The following SLC23A2 variants were observed in gnomAD, a reference collection of about 807,000 sequenced individuals.
SLC23A2 encodes the protein Na(+)/L-ascorbic acid transporter 2.
SLC23A2 carries 36 observed loss-of-function variants against 73.3 expected under a neutral mutation model. The observed-to-expected ratio is 0.49, with a 90% CI of 0.38 to 0.65. SLC23A2 has a LOEUF of 0.65. Among genes scored for constraint, SLC23A2 ranks in the 30% least tolerant of loss-of-function variants. SLC23A2 has a pLI of 0.00. For missense variants in SLC23A2, 507 were observed against 841.6 expected (o/e 0.60, Z 4.92); for synonymous variants, 343 against 327.3 (o/e 1.05, Z -0.52).
chr20:4,875,970 G>A (rs139822477), intron 9 of SLC23A2, among the ~76,000 whole-genome samples: 1 of 152,320 alleles, frequency 6.6e-6, no homozygotes, highest in Non-Finnish European at 1.5e-5. Flanking sequence ...CCCGGCTGGA[G>A]AACATGCGTG....
rs114200220 is a variant in SLC23A2, at chr20:4,919,982, C to T, written c.109-7004G>A. Among the ~76,000 whole-genome samples the T allele has an allele frequency of 2.2e-3, 334 of 152,282 alleles. 1 individual carries two copies. The highest frequency in any genetic ancestry group is 7.0e-3 in the African/African-American group (290 of 41,560). ...ATACATTAAAACTATGATGAGAGGCCGGGTGCGGTGGCTCACGCCTGTAAT... is the reference window on the plus strand; with the variant it reads ...ATACATTAAAACTATGATGAGAGGCTGGGTGCGGTGGCTCACGCCTGTAAT... On this transcript the variant is annotated intron_variant, in intron 3 of 16. Coordinates refer to ENST00000338244, the MANE Select transcript of SLC23A2 (RefSeq NM_005116.6).
rs778332608 is a variant in SLC23A2, at chr20:4,857,080, G to A, written c.1845C>T (p.Cys615=). The A allele has an allele frequency of 1.5e-5, 24 of 1,613,812 alleles. No homozygotes were observed. The highest frequency in any genetic ancestry group is 8.3e-5 in the Admixed American group (5 of 59,996). Residue 615 remains cysteine (C), a synonymous_variant, in exon 17 of 17, where the codon TGC becomes TGT. Transcript: ENST00000338244. The surrounding 1 kb of genome is among the most constrained non-coding windows in gnomAD (Gnocchi z 4.0). The part of the protein sequence containing the change: ...FGMNIIKKYR[C]FSYLPISPTF... ...TTGGGCTGATGGGTAAGTAGCTGAA[G>A]CATCTGTATTTTTTTATAATGTTCA...
chr20:4,949,148 C>T (rs1178233471), intron 2 of SLC23A2, among the ~76,000 whole-genome samples: 1 of 151,800 alleles, frequency 6.6e-6, no homozygotes, highest in African/African-American at 2.4e-5. Context: ...AGTAGCCAGG[C>T]GTGGTGGCAG....
At chr20:4,923,537 A>G (rs1932569402) in intron 3 of SLC23A2, among the ~76,000 whole-genome samples, 1 of 152,104 alleles carries the variant, frequency 6.6e-6, no homozygotes, top group Non-Finnish European at 1.5e-5. Flanking sequence ...GGAGAATTAA[A>G]CCAATTCCCT....
At chr20:4,919,479 A>T (rs940247462) in intron 3 of SLC23A2, among the ~76,000 whole-genome samples, 2 of 152,082 alleles carry the variant, frequency 1.3e-5, no homozygotes, top group South Asian at 4.2e-4. Flanking sequence ...AAGGAGCCTT[A>T]CCTCTCCCCA....
chr20:4,906,488 C>T (rs538403060), intron 4 of SLC23A2, among the ~76,000 whole-genome samples: 2 of 152,202 alleles, frequency 1.3e-5, no homozygotes. Flanking sequence ...GGTGTGGTGG[C>T]GTACACCTGT....
At chr20:5,004,806 C>A (rs1014303240), upstream of SLC23A2, among the ~76,000 whole-genome samples, 1 of 152,098 alleles carries the variant, frequency 6.6e-6, no homozygotes, top group East Asian at 1.9e-4. Flanking sequence ...TCGAGACCAG[C>A]CTGACCAACA....
intron 6 of SLC23A2, among the ~76,000 whole-genome samples, chr20:4,887,894 T>A (rs1255044085): frequency 6.6e-6 from 1 of 152,200 alleles, no homozygotes; most frequent in Non-Finnish European, 1.5e-5. Context: ...TATGCACACG[T>A]TAAACGAGAG....
chr20:4,859,887 A>G (rs1244102456), intron 15 of SLC23A2, among the ~76,000 whole-genome samples: 1 of 152,244 alleles, frequency 6.6e-6, no homozygotes, highest in Non-Finnish European at 1.5e-5. Context: ...TCCCATGAAT[A>G]TGACATATTA....
chr20:4,947,285 G>A lies in SLC23A2; in HGVS notation c.-154-14569C>T, dbSNP rs1364760096. ...GAAATCTTGTGGCTGGGACGTGAAA[G>A]GGGAAAGGGAGGGGCAGTATAGCAA... is the stretch of plus-strand genomic sequence containing the variant. On this transcript the variant is annotated intron_variant, in intron 2 of 16. Transcript: ENST00000338244. The surrounding 1 kb of genome is among the most constrained non-coding windows in gnomAD (Gnocchi z 4.4). Among the ~76,000 whole-genome samples the A allele has an allele frequency of 2.0e-5, 3 of 152,200 alleles. No homozygotes were observed. Among genetic ancestry groups the A allele is most frequent in the African/African-American group, 4.8e-5 (2 of 41,448 alleles).
intron 4 of SLC23A2, among the ~76,000 whole-genome samples, chr20:4,904,241 G>A (rs138049889): frequency 2.0e-5 from 3 of 152,236 alleles, no homozygotes; most frequent in Non-Finnish European, 2.9e-5. Flanking sequence ...ATACCTATAC[G>A]ACAGATCCCC....
chr20:4,919,914 T>G (rs983864299), intron 3 of SLC23A2, among the ~76,000 whole-genome samples: 1 of 152,180 alleles, frequency 6.6e-6, no homozygotes, highest in African/African-American at 2.4e-5. Flanking sequence ...TAAACATGCT[T>G]CTTGAACAGT....
chr20:4,916,955 G>T (rs538953266), intron 3 of SLC23A2, among the ~76,000 whole-genome samples: 3 of 152,130 alleles, frequency 2.0e-5, no homozygotes, highest in Non-Finnish European at 4.4e-5. Flanking sequence ...CATTTTAGGG[G>T]TGTAACTCTG....
At chr20:4,997,724 A>C (rs2088047422) in intron 1 of SLC23A2, among the ~76,000 whole-genome samples, 1 of 152,176 alleles carries the variant, frequency 6.6e-6, no homozygotes, top group African/African-American at 2.4e-5. Context: ...TCTTGGGCTC[A>C]AGCAATCCTC....
rs772642069 is a variant in SLC23A2, at chr20:4,902,591, T to C, written c.208-33A>G. The C allele has an allele frequency of 7.6e-7, 1 of 1,313,284 alleles. No homozygotes were observed. The highest frequency in any genetic ancestry group is 1.1e-6 in the Non-Finnish European group (1 of 918,694). 81.4% of individuals were successfully genotyped at this position (1,313,284 alleles called of 1,614,324 possible). A position where few individuals can be genotyped will look rare whatever the true frequency, so the allele number is the denominator to read the frequency against. ...CCAGAAGGAGAAAAGAAGGTGCTCA[T>C]TAAACGTGAAGACCAGTGTTAGCTC... On this transcript the variant is annotated intron_variant, in intron 4 of 16. Coordinates refer to ENST00000338244, the MANE Select transcript of SLC23A2 (RefSeq NM_005116.6). This position sits in a 1 kb window ranked among gnomAD's most constrained non-coding sequence, Gnocchi z 4.0.
Position 4,873,948 on chromosome 20 carries a change from C to T in SLC23A2, c.1090G>A (p.Val364Ile). The stretch of plus-strand genomic sequence containing the variant: ...TCAGAATACTTACATGGGTATGGAA[C>T]CTTAAACCACGGGGCTACCAGAAGC... ...GVLLVAPWFK[V>I]PYPFQWGLPT... The change falls in exon 11 of 17, where the codon GTT becomes ATT. Residue 364 changes from valine (V) to isoleucine (I), a missense_variant. Physicochemically the swap from Val to Ile is conservative, Grantham distance 29. Around this residue, in one of 5 missense-constraint regions of SLC23A2, gnomAD observed 217 missense variants for 398.0 expected, o/e 0.55. Coordinates refer to ENST00000338244, the MANE Select transcript of SLC23A2 (RefSeq NM_005116.6). The T allele has an allele frequency of 1.2e-6, 2 of 1,613,576 alleles. No homozygotes were observed. Among genetic ancestry groups the T allele is most frequent in the East Asian group, 2.2e-5 (1 of 44,872 alleles).
chr20:4,967,924 C>T (rs765763533), intron 2 of SLC23A2, among the ~76,000 whole-genome samples: 6 of 152,154 alleles, frequency 3.9e-5, no homozygotes, highest in South Asian at 2.1e-4. Flanking sequence ...ATGACAAAAA[C>T]GAAAGGTACG....
chr20:4,994,734 C>G (rs2087989129), intron 1 of SLC23A2, among the ~76,000 whole-genome samples: 2 of 152,004 alleles, frequency 1.3e-5, no homozygotes, highest in African/African-American at 4.8e-5. Context: ...GCACTCCAGC[C>G]TGGGCGACAG....
chr20:4,885,559 C>T (rs1013498760), intron 7 of SLC23A2, among the ~76,000 whole-genome samples: 1 of 152,136 alleles, frequency 6.6e-6, no homozygotes, highest in South Asian at 2.1e-4. Context: ...TATTCCGTTC[C>T]CATATTTGTC....
Sources: allele counts gnomAD v4.1 joint callset (sites outside exome capture counted in the v4.1 genomes callset), GRCh38; gene constraint gnomAD v4.1.1; regional missense constraint gnomAD v4.1.1; non-coding constraint Gnocchi (gnomAD v3.1); transcripts MANE v1.5; gene names NCBI Gene and HGNC (gene_info 2026-07-23, HGNC 2026-07-21).